FMN1: variants seen among roughly 807,000 people sequenced by gnomAD.
FMN1 encodes the protein formin-1.
In FMN1, 110 loss-of-function variants were observed where a neutral mutation model predicts 132.4. The observed-to-expected ratio is 0.83, with a 90% CI of 0.71 to 0.97. The LOEUF is 0.97. Among genes scored for constraint, FMN1 ranks in the 50% least tolerant of loss-of-function variants. The pLI, the probability that FMN1 is intolerant of heterozygous loss-of-function variation, is 0.00. For missense variants in FMN1, 1,792 were observed against 1,705.3 expected (o/e 1.05, Z -0.90); for synonymous variants, 722 against 651.7 (o/e 1.11, Z -1.64).
intron 6 of FMN1, among the ~76,000 whole-genome samples, chr15:33,024,339 T>C (rs1246117412): frequency 6.8e-6 from 1 of 148,036 alleles, no homozygotes; most frequent in Non-Finnish European, 1.5e-5. Context: ...CTCCGCCTAC[T>C]GGGTTCATGC....
intron 7 of FMN1, among the ~76,000 whole-genome samples, chr15:33,005,473 T>C (rs993413120): frequency 2.0e-5 from 3 of 152,218 alleles, no homozygotes; most frequent in African/African-American, 7.2e-5. Flanking sequence ...ATGATCACAA[T>C]ATACTTTCCT....
intron 16 of FMN1, among the ~76,000 whole-genome samples, chr15:32,879,200 T>G (rs1183640077): frequency 1.3e-5 from 2 of 152,250 alleles, no homozygotes; most frequent in South Asian, 2.1e-4. Context: ...AGGTCTGTTT[T>G]GTTGAAATCA....
At chr15:32,882,443 A>G (rs1436049245) in intron 16 of FMN1, among the ~76,000 whole-genome samples, 2 of 152,190 alleles carry the variant, frequency 1.3e-5, no homozygotes, top group Non-Finnish European at 2.9e-5. Context: ...AAGTGTTGTC[A>G]TTAGTGATGG....
chr15:33,151,370 C>T (rs1255412179), intron 4 of FMN1: 2 of 1,536,478 alleles, frequency 1.3e-6, no homozygotes, highest in Non-Finnish European at 1.7e-6. Flanking sequence ...CTGAAGATCC[C>T]AATGGAAGGC....
chr15:32,836,534 G>C (rs1244419074), intron 17 of FMN1, among the ~76,000 whole-genome samples: 2 of 152,068 alleles, frequency 1.3e-5, no homozygotes, highest in Admixed American at 6.6e-5. Context: ...ATGCCCGCAT[G>C]CTTTCTCCCC....
rs115040281 is a variant in FMN1, at chr15:32,954,465, G to T, written c.3138+9642C>A. The stretch of plus-strand genomic sequence containing the variant: ...CAAAGAAGTCATGACCAGATCCTTG[G>T]AATTCATATAATTAAAGTTTATCTT... On this transcript the variant is annotated intron_variant, in intron 9 of 20. Coordinates refer to ENST00000616417, the MANE Select transcript of FMN1 (RefSeq NM_001277313.2). 6.9e-3 allele frequency among the ~76,000 whole-genome samples: 1,052 copies of T among 152,278 alleles called. 14 individuals are homozygous for T. The highest frequency in any genetic ancestry group is 0.024 in the African/African-American group (1,008 of 41,542).
rs545203092 is a variant in FMN1, at chr15:32,794,413, T to C, written c.4130+4391A>G. Among the ~76,000 whole-genome samples the C allele has an allele frequency of 1.1e-3, 167 of 152,276 alleles. 4 individuals are homozygous for C. In the South Asian group the frequency reaches 0.033, roughly 30 times the overall value. On this transcript the variant is annotated intron_variant, in intron 19 of 20. Coordinates refer to ENST00000616417, the MANE Select transcript of FMN1 (RefSeq NM_001277313.2). ...TTTATTCCTGGAGTCATGACTCCCG[T>C]AGGCCTTCTGTACCTTTTGCAAATT... is the stretch of plus-strand genomic sequence containing the variant.
At chr15:33,121,503 A>G (rs1962551952) in intron 4 of FMN1, among the ~76,000 whole-genome samples, 1 of 152,140 alleles carries the variant, frequency 6.6e-6, no homozygotes, top group Non-Finnish European at 1.5e-5. Flanking sequence ...ATTTCCCAGT[A>G]AAGTACATAG....
chr15:32,909,846 T>C (rs555853865), intron 11 of FMN1, among the ~76,000 whole-genome samples: 3 of 151,964 alleles, frequency 2.0e-5, no homozygotes, highest in African/African-American at 7.3e-5. Flanking sequence ...TCAAAATACA[T>C]TGCTACTGCT....
intron 16 of FMN1, among the ~76,000 whole-genome samples, chr15:32,873,549 T>A (rs2059565747): frequency 6.6e-6 from 1 of 152,160 alleles, no homozygotes; most frequent in Admixed American, 6.5e-5. Context: ...CTAGAGATGA[T>A]GAGCTGCTGG....
intron 6 of FMN1, among the ~76,000 whole-genome samples, chr15:33,027,472 G>A (rs1035602412): frequency 2.6e-5 from 4 of 152,112 alleles, no homozygotes; most frequent in African/African-American, 9.7e-5. Flanking sequence ...AATGGGCCAG[G>A]AATTTAAAGA....
At chr15:33,082,028 T>G (rs934260588) in intron 5 of FMN1, among the ~76,000 whole-genome samples, 323 of 134,618 alleles carry the variant, frequency 2.4e-3, no homozygotes, top group African/African-American at 8.5e-3. Flanking sequence ...GGGGTGTGTG[T>G]GTGTGTGTGT....
At chr15:32,853,933 G>T (rs1023544788) in intron 17 of FMN1, among the ~76,000 whole-genome samples, 2 of 152,284 alleles carry the variant, frequency 1.3e-5, no homozygotes, top group Admixed American at 1.3e-4. Context: ...AATGAGCTGA[G>T]GAAAGCCTAC....
intron 7 of FMN1, among the ~76,000 whole-genome samples, chr15:32,980,729 T>C (rs1026090901): frequency 6.6e-5 from 10 of 152,216 alleles, no homozygotes; most frequent in African/African-American, 2.2e-4. Context: ...TTCCTTCCTT[T>C]TCTTTTTTCT....
chr15:32,979,689 A>G (rs1258279758), intron 7 of FMN1, among the ~76,000 whole-genome samples: 2 of 151,882 alleles, frequency 1.3e-5, no homozygotes, highest in Non-Finnish European at 2.9e-5. Flanking sequence ...TTACAGTGCT[A>G]TTATTTTTAC....
chr15:33,058,038 G>C (rs2037309073), intron 6 of FMN1, among the ~76,000 whole-genome samples: 1 of 148,710 alleles, frequency 6.7e-6, no homozygotes, highest in African/African-American at 2.4e-5. Flanking sequence ...AGGCGTGGCG[G>C]GCTGGTGGTG....
At chr15:33,076,393 A>C (rs551134059) in intron 5 of FMN1, among the ~76,000 whole-genome samples, 5 of 152,334 alleles carry the variant, frequency 3.3e-5, no homozygotes, top group African/African-American at 1.2e-4. Flanking sequence ...TACTGCTATA[A>C]CTTTTTCTTT....
rs183633622 is a variant in FMN1 at position 32,926,274 on chromosome 15, A to G, written c.3139-13T>C. 919 of 1,394,174 alleles carry G rather than the reference A, an allele frequency of 6.6e-4. 5 individuals are homozygous for G. The African/African-American group carries it at 0.012, about 18-fold the overall frequency. The allele number at this position is 1,394,174 out of a possible 1,614,324, so 86.4% of individuals were successfully genotyped here. On this transcript the variant is annotated splice_polypyrimidine_tract_variant and intron_variant, in intron 9 of 20. Coordinates refer to ENST00000616417, the MANE Select transcript of FMN1 (RefSeq NM_001277313.2). Reference sequence around the variant, plus strand: ...ACAATTTGATGATCTAAAATTAGAAAAAAAAAAAAAAGAATACAAGCTCAA... The same window carrying G: ...ACAATTTGATGATCTAAAATTAGAAGAAAAAAAAAAAGAATACAAGCTCAA...
chr15:33,126,580 C>A (rs986312502), intron 4 of FMN1, among the ~76,000 whole-genome samples: 1 of 151,892 alleles, frequency 6.6e-6, no homozygotes, highest in African/African-American at 2.4e-5. Flanking sequence ...AGCACTTCTG[C>A]CCATTCTTCA....
Sources: allele counts gnomAD v4.1 joint callset (sites outside exome capture counted in the v4.1 genomes callset), GRCh38; gene constraint gnomAD v4.1.1; transcripts MANE v1.5; gene names NCBI Gene and HGNC (gene_info 2026-07-23, HGNC 2026-07-21).